Variants in PEX7 observed in about 807,000 individuals in gnomAD.
The protein encoded by PEX7 is peroxisomal biogenesis factor 7.
In PEX7, 34 loss-of-function variants were observed where a neutral mutation model predicts 47.5. The ratio of observed to expected loss-of-function variants is 0.72; its 90% CI spans 0.54 to 0.95. The LOEUF (loss-of-function observed/expected upper bound fraction) is 0.95. Ranked by LOEUF, PEX7 falls within the 40% of genes least tolerant of loss-of-function variation. The pLI, the probability that PEX7 is intolerant of heterozygous loss-of-function variation, is 0.00. For missense variants in PEX7, 394 were observed against 400.3 expected (o/e 0.98, Z 0.13); for synonymous variants, 141 against 148.8 (o/e 0.95, Z 0.38).
chr6:136,902,077 G>C (rs900480235), intron 9 of PEX7, among the ~76,000 whole-genome samples: 1 of 152,162 alleles, frequency 6.6e-6, no homozygotes, highest in Non-Finnish European at 1.5e-5. Context: ...GAGCCACTGC[G>C]CCCAGCCAAG....
intron 8 of PEX7, among the ~76,000 whole-genome samples, chr6:136,876,182 C>T (rs1329400236): frequency 6.6e-6 from 1 of 152,032 alleles, no homozygotes; most frequent in African/African-American, 2.4e-5. Context: ...GGACTACAGG[C>T]ACCCGTCACT....
At chr6:136,898,955 G>A (rs924794399) in intron 9 of PEX7, among the ~76,000 whole-genome samples, 9 of 151,802 alleles carry the variant, frequency 5.9e-5, no homozygotes, top group African/African-American at 2.2e-4. Context: ...TGTGGAAATT[G>A]TAGAGCATGA....
chr6:136,887,799 AAT>A (rs1001103892), intron 8 of PEX7, among the ~76,000 whole-genome samples: 9 of 152,210 alleles, frequency 5.9e-5, no homozygotes, highest in African/African-American at 2.2e-4. Context: ...CCTTCTAGTT[AAT>A]GTTATTATTT....
At chr6:136,842,165 TTA>T (rs1264212431) in intron 3 of PEX7, among the ~76,000 whole-genome samples, 1 of 151,894 alleles carries the variant, frequency 6.6e-6, no homozygotes, top group Non-Finnish European at 1.5e-5. Context: ...TGGCTAAATT[TTA>T]TATGTTTAGT....
At chr6:136,912,063 C>G (rs1216403598) in intron 9 of PEX7, among the ~76,000 whole-genome samples, 1 of 152,088 alleles carries the variant, frequency 6.6e-6, no homozygotes, top group East Asian at 1.9e-4. Flanking sequence ...TTTTTATGTG[C>G]TTACTTTTGC....
intron 5 of PEX7, among the ~76,000 whole-genome samples, chr6:136,850,917 G>GTTTTTT (rs35220728): frequency 1.4e-5 from 1 of 69,182 alleles, no homozygotes; most frequent in Non-Finnish European, 2.6e-5. Flanking sequence ...AAAACTGATG[G>GTTTTTT]TTTTTTTTTT....
chr6:136,910,899 C>G (rs533706858), intron 9 of PEX7, among the ~76,000 whole-genome samples: 1 of 152,270 alleles, frequency 6.6e-6, no homozygotes, highest in South Asian at 2.1e-4. Flanking sequence ...TAACGAACTT[C>G]ATTACTTAGC....
intron 5 of PEX7, among the ~76,000 whole-genome samples, chr6:136,850,924 T>C (rs1419887410): frequency 6.7e-6 from 1 of 148,478 alleles, no homozygotes; most frequent in Non-Finnish European, 1.5e-5. Flanking sequence ...ATGGTTTTTT[T>C]TTTTTTTTTT....
At chr6:136,845,742 T>C (rs1269618920) in intron 4 of PEX7, 50 bp downstream of exon 4, 1 of 1,098,688 alleles carries the variant, frequency 9.1e-7, no homozygotes, top group Non-Finnish European at 1.4e-6. Context: ...TCTCTAGAGC[T>C]TCCACTAAAT....
chr6:136,893,056 G>A (rs1269054303), intron 8 of PEX7, among the ~76,000 whole-genome samples: 1 of 152,088 alleles, frequency 6.6e-6, no homozygotes, highest in Non-Finnish European at 1.5e-5. Context: ...TGAGGTGTAT[G>A]GGACCCCTCT....
chr6:136,908,341 T>G (rs1474770990), intron 9 of PEX7, among the ~76,000 whole-genome samples: 3 of 150,950 alleles, frequency 2.0e-5, no homozygotes, highest in African/African-American at 4.9e-5. Context: ...ATTAGTTTAG[T>G]TTTTTTTACT....
chr6:136,904,958 C>A (rs1202081783), intron 9 of PEX7, among the ~76,000 whole-genome samples: 2 of 152,170 alleles, frequency 1.3e-5, no homozygotes, highest in African/African-American at 4.8e-5. Context: ...AGGCACACTT[C>A]AGATTACTTT....
chr6:136,823,722 C>T (rs1014359446), intron 1 of PEX7, among the ~76,000 whole-genome samples: 1 of 152,184 alleles, frequency 6.6e-6, no homozygotes, highest in African/African-American at 2.4e-5. Flanking sequence ...GAAACCCCAT[C>T]TCTACTGAAA....
intron 2 of PEX7, 91 bp downstream of exon 2, chr6:136,825,362 T>C (rs1025379862): frequency 9.1e-7 from 1 of 1,102,316 alleles, no homozygotes; most frequent in African/African-American, 1.6e-5. Flanking sequence ...TGTTTTAATA[T>C]ACAGTATAAA....
At chr6:136,844,466 T>TC (rs1212353000) in intron 3 of PEX7, among the ~76,000 whole-genome samples, 1 of 152,172 alleles carries the variant, frequency 6.6e-6, no homozygotes, top group Admixed American at 6.5e-5. Flanking sequence ...AATTAACATA[T>TC]CCATCACTTG....
chr6:136,863,117 A>G (rs887169659), intron 5 of PEX7, among the ~76,000 whole-genome samples: 25 of 152,174 alleles, frequency 1.6e-4, no homozygotes, highest in African/African-American at 5.8e-4. Flanking sequence ...ATTCTGAACA[A>G]TTTCCTTTTG....
intron 6 of PEX7, 27 bp from the exon 7 acceptor site, chr6:136,869,863 G>A: frequency 6.5e-7 from 1 of 1,535,258 alleles, no homozygotes; most frequent in Non-Finnish European, 9.0e-7. Flanking sequence ...AGATGTCACA[G>A]TTTATGTTTC....
chr6:136,872,139 C>A, intron 7 of PEX7, 59 bp from the exon 8 acceptor site: 2 of 1,309,644 alleles, frequency 1.5e-6, no homozygotes, highest in Non-Finnish European at 1.1e-6. Flanking sequence ...TCATAGAAAG[C>A]AGTGTTATAA....
rs386408726 is a variant in PEX7, at chr6:136,860,409, CTTTTTTT to C, written c.527-6203_527-6197del. ...AGAGGGGACAGCTCAAGCCATGGCT[CTTTTTTT>C]TTTTTTTTTTTTTTAAATATTGCAT... On this transcript the variant is annotated intron_variant, in intron 5 of 9. Transcript: ENST00000318471. Among the ~76,000 whole-genome samples, 4 of 113,952 alleles carry C rather than the reference CTTTTTTT, an allele frequency of 3.5e-5. 1 individual carries two copies. The highest frequency in any genetic ancestry group is 5.9e-4 in the South Asian group (2 of 3,388). 74.8% of individuals were successfully genotyped at this position (113,952 alleles called of 152,430 possible).
Sources: allele counts gnomAD v4.1 joint callset (sites outside exome capture counted in the v4.1 genomes callset), GRCh38; gene constraint gnomAD v4.1.1; transcripts MANE v1.5; gene names NCBI Gene and HGNC (gene_info 2026-07-23, HGNC 2026-07-21).